Variants in ADAMTS17 observed in about 807,000 individuals in gnomAD.
ADAMTS17 encodes ADAM metallopeptidase with thrombospondin type 1 motif 17.
In ADAMTS17, 113 loss-of-function variants were observed where a neutral mutation model predicts 141.5. The observed-to-expected ratio is 0.80, with a 90% CI of 0.69 to 0.93. The LOEUF is 0.93. Ranked by LOEUF, ADAMTS17 falls within the 40% of genes least tolerant of loss-of-function variation. The probability of loss-of-function intolerance (pLI) is 0.00; values close to 1 mark genes in which losing one functional copy is unlikely to be tolerated. For synonymous variants in ADAMTS17, 768 were observed against 630.6 expected (o/e 1.22, Z -3.27); for missense variants, 1,659 against 1,517.9 (o/e 1.09, Z -1.54).
intron 18 of ADAMTS17, among the ~76,000 whole-genome samples, chr15:99,999,542 A>G (rs1458936191): frequency 6.6e-6 from 1 of 151,934 alleles, no homozygotes; most frequent in East Asian, 1.9e-4. Context: ...GGAGTGAGGA[A>G]GGGGAGAGCG....
At chr15:100,170,843 G>C (rs1003396373) in intron 8 of ADAMTS17, among the ~76,000 whole-genome samples, 2 of 152,222 alleles carry the variant, frequency 1.3e-5, no homozygotes, top group African/African-American at 4.8e-5. Context: ...TTGACTGGCA[G>C]ATTTCTCAGG....
At position 100,102,042 on chromosome 15, in the gene ADAMTS17, C is replaced by T. The variant is rs76983874; in HGVS notation, c.2017-5566G>A. Among the ~76,000 whole-genome samples the T allele has an allele frequency of 7.1e-3, 1,084 of 152,330 alleles. 25 individuals carry two copies. The highest frequency in any genetic ancestry group is 0.024 in the African/African-American group (1,002 of 41,562). ...TAAACTACATGTAACTTCTGCAGAA[C>T]GCATGCATGGAAAATAGAATTTCTG... is the stretch of plus-strand genomic sequence containing the variant. On this transcript the variant is annotated intron_variant, in intron 14 of 21. Coordinates refer to ENST00000268070, the MANE Select transcript of ADAMTS17 (RefSeq NM_139057.4).
At chr15:100,252,845 A>G (rs2043195602) in intron 7 of ADAMTS17, among the ~76,000 whole-genome samples, 1 of 152,232 alleles carries the variant, frequency 6.6e-6, no homozygotes, top group African/African-American at 2.4e-5. Context: ...TGTAAACTCT[A>G]AAATGTGACA....
At chr15:100,294,673 C>T (rs1041126674) in intron 3 of ADAMTS17, among the ~76,000 whole-genome samples, 2 of 152,174 alleles carry the variant, frequency 1.3e-5, no homozygotes, top group Non-Finnish European at 2.9e-5. Context: ...TGCCACTGCA[C>T]TCCAGCATGG....
chr15:100,127,220 G>C (rs932497641), intron 12 of ADAMTS17, among the ~76,000 whole-genome samples: 2 of 152,206 alleles, frequency 1.3e-5, no homozygotes, highest in Non-Finnish European at 2.9e-5. Flanking sequence ...TGGCAAAAGG[G>C]CCTTGGCAGA....
chr15:100,194,231 G>T (rs944643931), intron 8 of ADAMTS17, among the ~76,000 whole-genome samples: 4 of 152,016 alleles, frequency 2.6e-5, no homozygotes, highest in African/African-American at 9.7e-5. Flanking sequence ...AGACACAGGT[G>T]GGCACAGGGT....
At chr15:100,133,489 C>T (rs2038165057) in intron 10 of ADAMTS17, among the ~76,000 whole-genome samples, 174 bp from the exon 11 acceptor site, 1 of 152,168 alleles carries the variant, frequency 6.6e-6, no homozygotes, top group Non-Finnish European at 1.5e-5. Context: ...CTTGAACTGG[C>T]TCATTTAGCT....
At chr15:100,151,124 G>C (rs2039142228) in intron 10 of ADAMTS17, among the ~76,000 whole-genome samples, 1 of 152,196 alleles carries the variant, frequency 6.6e-6, no homozygotes, top group Non-Finnish European at 1.5e-5. Context: ...CAACCCTGCT[G>C]CTGGGGGCAG....
At chr15:100,070,021 T>C (rs1480858880) in intron 15 of ADAMTS17, among the ~76,000 whole-genome samples, 1 of 149,916 alleles carries the variant, frequency 6.7e-6, no homozygotes, top group Non-Finnish European at 1.5e-5. Flanking sequence ...GAGACACACA[T>C]AGGCTCAAAA....
At chr15:100,252,533 G>A (rs2043186064) in intron 7 of ADAMTS17, among the ~76,000 whole-genome samples, 1 of 152,198 alleles carries the variant, frequency 6.6e-6, no homozygotes. Context: ...CATGGGTACT[G>A]TGGCCAAGCC....
At chr15:100,261,914 C>A (rs1449200841) in intron 5 of ADAMTS17, among the ~76,000 whole-genome samples, 1 of 152,204 alleles carries the variant, frequency 6.6e-6, no homozygotes, top group Non-Finnish European at 1.5e-5. Context: ...CCAAGCGATG[C>A]TCCCTCAGTC....
intron 3 of ADAMTS17, chr15:100,305,956 C>T (rs2141835599): frequency 6.5e-6 from 1 of 153,270 alleles, no homozygotes; most frequent in East Asian, 1.9e-4. Flanking sequence ...AATTAACTGA[C>T]CAAGGACACT....
intron 20 of ADAMTS17, 41 bp from the exon 21 acceptor site, chr15:99,976,263 C>G (rs139045337): frequency 6.5e-7 from 1 of 1,536,992 alleles, no homozygotes; most frequent in East Asian, 2.4e-5. Context: ...GACATGAGGT[C>G]AAGGGACTGG....
At chr15:100,080,205 A>C (rs2034640194) in intron 15 of ADAMTS17, among the ~76,000 whole-genome samples, 1 of 152,152 alleles carries the variant, frequency 6.6e-6, no homozygotes, top group African/African-American at 2.4e-5. Context: ...TCTTAGTTCC[A>C]GAGGGAGAAA....
Position 100,213,318 on chromosome 15 carries a change from T to G in ADAMTS17, c.1076-13895A>C, listed in dbSNP as rs76228911. ...TTCTAAAAACTGGATTTGTTTTGGG[T>G]TGATAAGAGGAAAAACATGATATAA... is the stretch of plus-strand genomic sequence containing the variant. On this transcript the variant is annotated intron_variant, in intron 7 of 21. Coordinates refer to ENST00000268070, the MANE Select transcript of ADAMTS17 (RefSeq NM_139057.4). 6.3e-3 allele frequency among the ~76,000 whole-genome samples: 953 copies of G among 152,294 alleles called. 9 individuals are homozygous for G. The highest frequency in any genetic ancestry group is 0.021 in the African/African-American group (870 of 41,546).
chr15:100,046,321 T>C (rs1021478492), intron 18 of ADAMTS17, among the ~76,000 whole-genome samples: 2 of 152,152 alleles, frequency 1.3e-5, no homozygotes, highest in African/African-American at 4.8e-5. Flanking sequence ...ATCCCTGGAG[T>C]TCCACAGAGA....
At chr15:99,991,260 C>CA (rs1489662302) in intron 20 of ADAMTS17, among the ~76,000 whole-genome samples, 4 of 152,220 alleles carry the variant, frequency 2.6e-5, no homozygotes, top group Admixed American at 6.5e-5. Flanking sequence ...AAAAATTTTG[C>CA]AATCTATCCA....
At chr15:100,275,369 GA>G (rs2044046178) in intron 4 of ADAMTS17, among the ~76,000 whole-genome samples, 1 of 152,230 alleles carries the variant, frequency 6.6e-6, no homozygotes, top group Non-Finnish European at 1.5e-5. Context: ...GCTGCCTAGT[GA>G]CAAAGTTCCA....
intron 3 of ADAMTS17, among the ~76,000 whole-genome samples, chr15:100,308,583 T>G (rs2045302496): frequency 6.6e-6 from 1 of 152,230 alleles, no homozygotes; most frequent in Non-Finnish European, 1.5e-5. Context: ...AAGTAACTAC[T>G]CTTTAATATG....
Sources: allele counts gnomAD v4.1 joint callset (sites outside exome capture counted in the v4.1 genomes callset), GRCh38; gene constraint gnomAD v4.1.1; transcripts MANE v1.5; gene names NCBI Gene and HGNC (gene_info 2026-07-23, HGNC 2026-07-21).